The following NAP1L4 variants were observed in gnomAD, a reference collection of about 807,000 sequenced individuals.
NAP1L4 encodes nucleosome assembly protein 1-like 4.
NAP1L4 carries 15 observed loss-of-function variants against 58.2 expected under a neutral mutation model. That is an observed-to-expected ratio of 0.26 (90% CI 0.17 to 0.40). The LOEUF is 0.40. Ranked by LOEUF, NAP1L4 falls within the 10% of genes least tolerant of loss-of-function variation. The pLI is 1.00. For missense variants in NAP1L4, 384 were observed against 451.1 expected, an observed-to-expected ratio of 0.85 and a Z score of 1.35; for synonymous variants, 171 against 155.6, an observed-to-expected ratio of 1.10 and a Z score of -0.74.
chr11:2,979,485 T>C (rs538778145), intron 1 of NAP1L4, among the ~76,000 whole-genome samples: 50 of 152,212 alleles, frequency 3.3e-4, no homozygotes, highest in African/African-American at 1.2e-3. Context: ...CATAAAAAAA[T>C]TTCTCGGCCT....
chr11:2,953,496 AC>A (rs1415646798), intron 12 of NAP1L4, among the ~76,000 whole-genome samples: 1 of 152,248 alleles, frequency 6.6e-6, no homozygotes, highest in Non-Finnish European at 1.5e-5. Flanking sequence ...AGTTCCATCA[AC>A]AGAGAAAGTT....
chr11:2,975,888 G>C (rs1847926927), intron 4 of NAP1L4, 136 bp downstream of exon 4: 1 of 748,878 alleles, frequency 1.3e-6, no homozygotes, highest in Admixed American at 2.9e-5. Flanking sequence ...TCATATCCCA[G>C]TGCCTGTCTC....
At chr11:2,970,652 C>T (rs1847583956) in intron 6 of NAP1L4, among the ~76,000 whole-genome samples, 1 of 152,076 alleles carries the variant, frequency 6.6e-6, no homozygotes, top group African/African-American at 2.4e-5. Context: ...TTCTGAATGC[C>T]TTGCCAAACG....
intron 7 of NAP1L4, among the ~76,000 whole-genome samples, chr11:2,966,331 ATTATCG>A (rs1368751062): frequency 6.6e-6 from 1 of 152,172 alleles, no homozygotes; most frequent in African/African-American, 2.4e-5. Flanking sequence ...CACGCACTAA[ATTATCG>A]TTAGCCACAT....
intron 4 of NAP1L4, 39 bp from the exon 5 acceptor site, chr11:2,972,282 G>A: frequency 6.6e-7 from 1 of 1,525,210 alleles, no homozygotes; most frequent in Non-Finnish European, 8.8e-7. Flanking sequence ...CCTCATGCCT[G>A]CAAAATAAAG....
chr11:2,950,580 G>A (rs1846175395), intron 14 of NAP1L4, among the ~76,000 whole-genome samples: 1 of 152,310 alleles, frequency 6.6e-6, no homozygotes, highest in South Asian at 2.1e-4. Flanking sequence ...TGTTTTACAA[G>A]AAGAAACTCT....
chr11:2,963,429 T>C (rs1307114396), intron 8 of NAP1L4, among the ~76,000 whole-genome samples: 2 of 152,164 alleles, frequency 1.3e-5, no homozygotes, highest in East Asian at 1.9e-4. Context: ...GAAGATGGGG[T>C]ATCCCCTCTG....
intron 1 of NAP1L4, among the ~76,000 whole-genome samples, chr11:2,980,458 T>A (rs181731524): frequency 6.6e-6 from 1 of 152,308 alleles, no homozygotes; most frequent in East Asian, 1.9e-4. Flanking sequence ...AGTGTTGGGA[T>A]TACAGGTGTG....
rs1219006329 is a variant in NAP1L4 at position 2,958,390 on chromosome 11, C to A, written c.892+9G>T. ...GAACATAATGAATATTAACAACCAA[C>A]AGACTTGCCTTTCAATGGATTGAAG... On this transcript the variant is annotated intron_variant, in intron 10 of 15. Transcript: ENST00000380542. 6.2e-7 allele frequency: 1 copy of A among 1,613,674 alleles called. No individual in the cohort carries two copies. The highest frequency in any genetic ancestry group is 8.5e-7 in the Non-Finnish European group (1 of 1,179,754).
At chr11:2,984,849 A>G (rs1848532880) in intron 1 of NAP1L4, among the ~76,000 whole-genome samples, 2 of 152,084 alleles carry the variant, frequency 1.3e-5, no homozygotes, top group South Asian at 4.1e-4. Flanking sequence ...TATAGACTAC[A>G]TCTATTCCTT....
At position 2,954,435 on chromosome 11, in the gene NAP1L4, G is replaced by C. The variant is rs777253964; in HGVS notation, c.1035+92C>G. 2.6e-5 allele frequency: 40 copies of C among 1,563,666 alleles called. No individual in the cohort carries two copies. The highest frequency in any genetic ancestry group is 3.3e-5 in the Non-Finnish European group (38 of 1,135,972). On this transcript the variant is annotated intron_variant, in intron 12 of 15. Transcript: ENST00000380542. This position sits in a 1 kb window ranked among gnomAD's most constrained non-coding sequence, Gnocchi z 4.8. ...GCTGATGATGTAATAAAAAGATTAG[G>C]CATGGGGGTTTCCTAAGCCACAATT...
intron 1 of NAP1L4, among the ~76,000 whole-genome samples, chr11:2,986,747 A>G (rs2134024399): frequency 6.6e-6 from 1 of 151,062 alleles, no homozygotes; most frequent in East Asian, 2.0e-4. Context: ...CCTCCCAAGT[A>G]GCTGGAGTTA....
intron 1 of NAP1L4, among the ~76,000 whole-genome samples, chr11:2,986,263 A>T (rs61871247): frequency 0.13 from 19,937 of 152,004 alleles, 1,344 homozygotes; most frequent in Middle Eastern, 0.16. Context: ...GGTCCCAGCT[A>T]CTCAGGAGGC....
chr11:2,954,773 G>T lies in NAP1L4; in HGVS notation c.916-127C>A. 1 of 1,228,074 alleles carries T rather than the reference G, an allele frequency of 8.1e-7. No homozygotes were observed. The highest frequency in any genetic ancestry group is 1.2e-6 in the Non-Finnish European group (1 of 850,952). The allele number at this position is 1,228,074 out of a possible 1,614,324, so 76.1% of individuals were successfully genotyped here. The stretch of plus-strand genomic sequence containing the variant: ...ACTTAAAACACCAAACTCCTGCACT[G>T]CTGGGGGACAGCCACTAGACACTCA... On this transcript the variant is annotated intron_variant, in intron 11 of 15. Coordinates refer to ENST00000380542, the MANE Select transcript of NAP1L4 (RefSeq NM_005969.4). This position sits in a 1 kb window ranked among gnomAD's most constrained non-coding sequence, Gnocchi z 4.8.
chr11:2,977,490 C>G (rs1239616910), intron 3 of NAP1L4, among the ~76,000 whole-genome samples: 1 of 152,074 alleles, frequency 6.6e-6, no homozygotes, highest in Non-Finnish European at 1.5e-5. Context: ...TGGCCCAGAG[C>G]GCTGATATGT....
At position 2,949,301 on chromosome 11, in the gene NAP1L4, TGA is replaced by T; in HGVS notation, c.1123-39_1123-38del. The T allele has an allele frequency of 6.6e-7, 1 of 1,512,934 alleles. No individual in the cohort carries two copies. Among genetic ancestry groups the T allele is most frequent in the African/African-American group, 1.4e-5 (1 of 72,758 alleles). The allele number at this position is 1,512,934 out of a possible 1,614,324, so 93.7% of individuals were successfully genotyped here. A position where few individuals can be genotyped will look rare whatever the true frequency, so the allele number is the denominator to read the frequency against. On this transcript the variant is annotated intron_variant, in intron 14 of 15. Transcript: ENST00000380542. The surrounding 1 kb of genome is among the most constrained non-coding windows in gnomAD (Gnocchi z 4.0). ...AAAAAATTGAAAGGAACTGTCAGCA[TGA>T]AAGAAAATGAAATGCACAAAATTAT...
intron 4 of NAP1L4, among the ~76,000 whole-genome samples, chr11:2,973,598 C>T (rs1847772244): frequency 6.6e-6 from 1 of 152,176 alleles, no homozygotes; most frequent in Admixed American, 6.5e-5. Flanking sequence ...GGGTGAAATA[C>T]AACCACAGCT....
At position 2,971,997 on chromosome 11, in the gene NAP1L4, A is replaced by G. The variant is rs1847664409; in HGVS notation, c.315+105T>C. 1 of 1,204,956 alleles carries G rather than the reference A, an allele frequency of 8.3e-7. No homozygotes were observed. Among genetic ancestry groups the G allele is most frequent in the African/African-American group, 1.6e-5 (1 of 63,852 alleles). 74.6% of individuals were successfully genotyped at this position (1,204,956 alleles called of 1,614,324 possible). A position where few individuals can be genotyped will look rare whatever the true frequency, so the allele number is the denominator to read the frequency against. On this transcript the variant is annotated intron_variant, in intron 5 of 15. Transcript: ENST00000380542. This position sits in a 1 kb window ranked among gnomAD's most constrained non-coding sequence, Gnocchi z 4.2. Reference sequence around the variant, plus strand: ...GACTAAGCTATGTTTGGCAGGTTAGATGCGTTCTTACCCTAGATGTTGTCA... The same window carrying G: ...GACTAAGCTATGTTTGGCAGGTTAGGTGCGTTCTTACCCTAGATGTTGTCA...
At chr11:2,991,288 C>T (rs1202399239) in intron 1 of NAP1L4, 4 of 366,424 alleles carry the variant, frequency 1.1e-5, no homozygotes, top group Admixed American at 3.2e-5. Context: ...ATGACCAGGC[C>T]ATCCTTCGCT....
Sources: gnomAD v4.1 joint callset for allele counts (sites outside exome capture counted in the v4.1 genomes callset) on GRCh38, gnomAD v4.1.1 for gene constraint, Gnocchi (gnomAD v3.1) non-coding constraint, MANE v1.5 for transcripts, NCBI Gene and HGNC (gene_info 2026-07-23, HGNC 2026-07-21) for gene names.